The following ST6GAL1 variants were observed in gnomAD, a reference collection of about 807,000 sequenced individuals.
The protein encoded by ST6GAL1 is beta-galactoside alpha-2,6-sialyltransferase 1.
ST6GAL1 carries 20 observed loss-of-function variants against 38.0 expected under a neutral mutation model. The ratio of observed to expected loss-of-function variants is 0.53; its 90% CI spans 0.37 to 0.77. ST6GAL1 has a LOEUF of 0.77. Among genes scored for constraint, ST6GAL1 ranks in the 30% least tolerant of loss-of-function variants. The pLI, the probability that ST6GAL1 is intolerant of heterozygous loss-of-function variation, is 0.00. For synonymous variants in ST6GAL1, 196 were observed against 188.2 expected, an observed-to-expected ratio of 1.04 and a Z score of -0.34; for missense variants, 432 against 496.4, an observed-to-expected ratio of 0.87 and a Z score of 1.23.
intron 2 of ST6GAL1, among the ~76,000 whole-genome samples, chr3:186,999,559 G>A (rs1374125570): frequency 1.3e-5 from 2 of 151,988 alleles, no homozygotes; most frequent in Non-Finnish European, 2.9e-5. Flanking sequence ...CTACAGGAGT[G>A]CACCACTGCG....
intron 1 of ST6GAL1, among the ~76,000 whole-genome samples, chr3:186,943,482 C>A (rs559256908): frequency 3.0e-4 from 46 of 152,246 alleles, no homozygotes; most frequent in African/African-American, 1.1e-3. Flanking sequence ...GACGGAGTCT[C>A]GCTCTTGCTC....
intron 2 of ST6GAL1, among the ~76,000 whole-genome samples, chr3:186,992,921 G>T (rs1716226792): frequency 6.6e-6 from 1 of 152,098 alleles, no homozygotes; most frequent in South Asian, 2.1e-4. Flanking sequence ...TTCCACTGCT[G>T]GTCAGTGTTT....
intron 1 of ST6GAL1, among the ~76,000 whole-genome samples, chr3:186,934,095 A>G (rs1713854048): frequency 6.6e-6 from 1 of 152,210 alleles, no homozygotes; most frequent in African/African-American, 2.4e-5. Context: ...TGTTCATGCT[A>G]CTTAACCTCT....
chr3:186,938,787 A>G (rs1714054451), intron 1 of ST6GAL1, among the ~76,000 whole-genome samples: 1 of 152,122 alleles, frequency 6.6e-6, no homozygotes, highest in South Asian at 2.1e-4. Context: ...CTATGACTGA[A>G]ACGCATGGCT....
chr3:187,048,458 C>T (rs115010149), intron 4 of ST6GAL1, among the ~76,000 whole-genome samples: 3,543 of 152,254 alleles, frequency 0.023, 154 homozygotes, highest in African/African-American at 0.081. Context: ...GGCTGGCCAT[C>T]CTTTGGGTCT....
intron 3 of ST6GAL1, among the ~76,000 whole-genome samples, chr3:187,039,556 G>A (rs1436214598): frequency 6.6e-6 from 1 of 152,192 alleles, no homozygotes; most frequent in Non-Finnish European, 1.5e-5. Flanking sequence ...GTCAGAGCTG[G>A]CAGGCACATG....
chr3:186,970,629 T>C (rs1192972991), intron 2 of ST6GAL1, among the ~76,000 whole-genome samples: 3 of 152,176 alleles, frequency 2.0e-5, no homozygotes, highest in Non-Finnish European at 2.9e-5. Context: ...CTTTGGAGAA[T>C]ATTCTCTAAA....
intron 5 of ST6GAL1, among the ~76,000 whole-genome samples, chr3:187,066,713 A>G (rs913490918): frequency 2.6e-5 from 4 of 151,924 alleles, no homozygotes; most frequent in African/African-American, 7.2e-5. Flanking sequence ...CAGTGTCTTG[A>G]GCAGCAGCAC....
intron 2 of ST6GAL1, among the ~76,000 whole-genome samples, chr3:186,966,438 G>A (rs1171387197): frequency 6.6e-6 from 1 of 152,210 alleles, no homozygotes; most frequent in Non-Finnish European, 1.5e-5. Flanking sequence ...AAGCAAAAGA[G>A]ATACACTAAG....
chr3:186,985,871 C>G (rs1715901640), intron 2 of ST6GAL1, among the ~76,000 whole-genome samples: 1 of 152,096 alleles, frequency 6.6e-6, no homozygotes, highest in South Asian at 2.1e-4. Context: ...CAGGAATCTT[C>G]CCCGTGTATG....
At chr3:187,073,087 C>T in intron 6 of ST6GAL1, 140 bp downstream of exon 6, 1 of 631,104 alleles carries the variant, frequency 1.6e-6, no homozygotes, top group Non-Finnish European at 2.8e-6. Context: ...TACCCCATTT[C>T]ATCTGGACTA....
At chr3:186,942,033 A>T (rs1055099073) in intron 1 of ST6GAL1, among the ~76,000 whole-genome samples, 4 of 151,976 alleles carry the variant, frequency 2.6e-5, no homozygotes, top group African/African-American at 9.7e-5. Flanking sequence ...AAAAGTTGCA[A>T]GTAAACTTGT....
intron 2 of ST6GAL1, among the ~76,000 whole-genome samples, chr3:186,974,312 C>T (rs879757181): frequency 1.3e-5 from 2 of 152,154 alleles, no homozygotes; most frequent in East Asian, 1.9e-4. Context: ...CTGCAGGAAC[C>T]GACTGAGCTT....
Position 187,042,870 on chromosome 3 carries a change from T to C in ST6GAL1, c.167T>C (p.Met56Thr), listed in dbSNP as rs752196419. The change falls in exon 4 of 8, where the codon ATG (methionine) becomes ACG (threonine). Residue 56 changes from methionine (M) to threonine (T), a missense_variant. Physicochemically the swap from Met to Thr is moderately conservative, Grantham distance 81. Coordinates refer to ENST00000169298, the MANE Select transcript of ST6GAL1 (RefSeq NM_173216.2). ...TTAAAGAGTCTGGGGAAATTGGCCA[T>C]GGGGTCTGATTCCCAGTCTGTATCC... ...QVLKSLGKLA[M>T]GSDSQSVSSS... 1.2e-6 allele frequency: 2 copies of C among 1,614,166 alleles called. No homozygotes were observed. Among genetic ancestry groups the C allele is most frequent in the South Asian group, 2.2e-5 (2 of 91,084 alleles).
At chr3:186,946,164 G>T in intron 1 of ST6GAL1, among the ~76,000 whole-genome samples, 1 of 151,730 alleles carries the variant, frequency 6.6e-6, no homozygotes, top group Admixed American at 6.6e-5. Flanking sequence ...AAATTATTTT[G>T]TACTGGGCAT....
At chr3:187,032,539 G>A (rs1433088446) in intron 2 of ST6GAL1, among the ~76,000 whole-genome samples, 1 of 152,170 alleles carries the variant, frequency 6.6e-6, no homozygotes, top group African/African-American at 2.4e-5. Flanking sequence ...AGTGTCTAGA[G>A]ATACTCCCTG....
chr3:186,953,917 C>T (rs1311429713), intron 1 of ST6GAL1, among the ~76,000 whole-genome samples: 1 of 151,784 alleles, frequency 6.6e-6, no homozygotes, highest in African/African-American at 2.4e-5. Context: ...TTTGCTGCCC[C>T]TATCAACCCA....
rs78339240 is a variant in ST6GAL1, at chr3:187,067,670, G to C, written c.706-5179G>C. On this transcript the variant is annotated intron_variant, in intron 5 of 7. Transcript: ENST00000169298. Reference sequence around the variant, plus strand: ...GCTGTTTTTCCATTGGATACAGGAAGACTGAGGGTGACCTGACCCTCATGG... The same window carrying C: ...GCTGTTTTTCCATTGGATACAGGAACACTGAGGGTGACCTGACCCTCATGG... 5.8e-4 allele frequency among the ~76,000 whole-genome samples: 89 copies of C among 152,254 alleles called. 1 individual carries two copies. In the East Asian group the frequency reaches 0.017, roughly 29 times the overall value.
At chr3:187,028,979 G>A (rs1217938158) in intron 2 of ST6GAL1, among the ~76,000 whole-genome samples, 2 of 151,650 alleles carry the variant, frequency 1.3e-5, no homozygotes, top group African/African-American at 2.4e-5. Context: ...CCAGCTACTC[G>A]GGAGGCTGAG....
Sources: allele counts gnomAD v4.1 joint callset (sites outside exome capture counted in the v4.1 genomes callset), GRCh38; gene constraint gnomAD v4.1.1; transcripts MANE v1.5; gene names NCBI Gene and HGNC (gene_info 2026-07-23, HGNC 2026-07-21).